The following UNC13B variants were observed in gnomAD, a reference collection of about 807,000 sequenced individuals.
The protein encoded by UNC13B is unc-13 homolog B, also known as protein unc-13 homolog B.
In UNC13B, 144 loss-of-function variants were observed where a neutral mutation model predicts 211.0. That is an observed-to-expected ratio of 0.68 (90% CI 0.60 to 0.78). The LOEUF is 0.78. Among genes scored for constraint, UNC13B ranks in the 30% least tolerant of loss-of-function variants. The pLI, the probability that UNC13B is intolerant of heterozygous loss-of-function variation, is 0.00. For synonymous variants in UNC13B, 709 were observed against 725.8 expected (o/e 0.98, Z 0.37); for missense variants, 1,777 against 2,002.0 (o/e 0.89, Z 2.14).
intron 3 of UNC13B, among the ~76,000 whole-genome samples, chr9:35,232,037 G>C (rs1310595499): frequency 6.6e-6 from 1 of 151,782 alleles, no homozygotes; most frequent in Non-Finnish European, 1.5e-5. Flanking sequence ...ATGAGAAAAC[G>C]TACTGAAATT....
intron 5 of UNC13B, among the ~76,000 whole-genome samples, chr9:35,241,170 T>G (rs1029269154): frequency 6.6e-6 from 1 of 152,100 alleles, no homozygotes; most frequent in African/African-American, 2.4e-5. Context: ...CTCATTTCAG[T>G]CCTTTGAGGC....
At chr9:35,250,674 A>T (rs1009131731) in intron 6 of UNC13B, among the ~76,000 whole-genome samples, 5 of 152,136 alleles carry the variant, frequency 3.3e-5, no homozygotes, top group African/African-American at 1.2e-4. Flanking sequence ...CTTGCGTATG[A>T]CTTGGGAGTG....
intron 6 of UNC13B, among the ~76,000 whole-genome samples, chr9:35,252,757 C>T (rs1223945952): frequency 1.3e-5 from 2 of 151,914 alleles, no homozygotes; most frequent in African/African-American, 2.4e-5. Context: ...AGTGAAACCC[C>T]GTCTCTACTA....
intron 7 of UNC13B, among the ~76,000 whole-genome samples, chr9:35,261,557 A>C (rs962451811): frequency 1.3e-5 from 2 of 152,240 alleles, no homozygotes; most frequent in Non-Finnish European, 2.9e-5. Context: ...ATATGTAATA[A>C]TCACATCAAG....
intron 5 of UNC13B, among the ~76,000 whole-genome samples, chr9:35,238,676 C>G (rs893105213): frequency 1.3e-5 from 2 of 152,010 alleles, no homozygotes; most frequent in Non-Finnish European, 2.9e-5. Context: ...ATGTCTCAGC[C>G]TCCTGAGTCA....
In UNC13B at chr9:35,303,623, C is replaced by A. The variant is rs961122862; in HGVS notation, c.4219C>A (p.Gln1407Lys). 2.5e-6 allele frequency: 1 copy of A among 398,702 alleles called. No individual in the cohort carries two copies. The highest frequency in any genetic ancestry group is 1.3e-4 in the South Asian group (1 of 7,834). The allele number at this position is 398,702 out of a possible 1,614,324, so 24.7% of individuals were successfully genotyped here. The change falls in exon 9 of 40, where the codon CAA becomes AAA. Residue 1407 changes from glutamine (Q) to lysine (K), a missense_variant. Gln to Lys is a moderately conservative substitution (Grantham distance 53). Coordinates refer to ENST00000635942, the MANE Select transcript of UNC13B (RefSeq NM_001371189.2). The stretch of plus-strand genomic sequence containing the variant: ...AGTGATAAATTTTTGCCAAAAAGAT[C>A]AAAATGCAAACATCTTGGAGTGGAG... ...NSVINFCQKDQNANILEWRTN... is the reference protein window; with the variant it reads ...NSVINFCQKDKNANILEWRTN...
chr9:35,281,051 C>T (rs1307423485), intron 7 of UNC13B, among the ~76,000 whole-genome samples: 4 of 152,028 alleles, frequency 2.6e-5, no homozygotes, highest in Non-Finnish European at 5.9e-5. Context: ...AGATCGAGAC[C>T]ATCCTGACCA....
chr9:35,283,611 CAA>C (rs1347403171), intron 7 of UNC13B, among the ~76,000 whole-genome samples: 1 of 151,768 alleles, frequency 6.6e-6, no homozygotes, highest in African/African-American at 2.4e-5. Context: ...GAGAGCAAAA[CAA>C]AGATCCTGGG....
At chr9:35,293,089 G>T (rs1829174122) in intron 7 of UNC13B, among the ~76,000 whole-genome samples, 1 of 152,044 alleles carries the variant, frequency 6.6e-6, no homozygotes, top group African/African-American at 2.4e-5. Flanking sequence ...ACTTTTTTCT[G>T]TTTCTCTCCT....
chr9:35,328,637 TTC>T (rs1831165324), intron 11 of UNC13B, among the ~76,000 whole-genome samples: 1 of 122,934 alleles, frequency 8.1e-6, no homozygotes. Context: ...CCTTCCTTCC[TTC>T]CTTCCTTCCT....
In UNC13B at chr9:35,376,112, G is replaced by A; in HGVS notation, c.9700G>A (p.Ala3234Thr). Residue 3234 changes from alanine (A) to threonine (T), a missense_variant, in exon 15 of 40, where the codon GCC (alanine) becomes ACC (threonine). Transcript: ENST00000635942. The part of the protein sequence containing the change: ...TTPHNFEVWT[A>T]TTPTYCYECE... ...TCCTCATAACTTTGAGGTCTGGACG[G>A]CCACTACCCCAACCTACTGCTATGA... The A allele has an allele frequency of 6.2e-7, 1 of 1,614,248 alleles. No homozygotes were observed. The highest frequency in any genetic ancestry group is 8.5e-7 in the Non-Finnish European group (1 of 1,180,048).
At chr9:35,215,332 G>A (rs1824195377) in intron 1 of UNC13B, among the ~76,000 whole-genome samples, 1 of 152,200 alleles carries the variant, frequency 6.6e-6, no homozygotes, top group African/African-American at 2.4e-5. Context: ...GAGCCCAGGA[G>A]GTCAAGGCGG....
rs187197943 is a variant in UNC13B at position 35,402,194 on chromosome 9, G to A, written c.12485-973G>A. Among the ~76,000 whole-genome samples, 354 of 152,064 alleles carry A rather than the reference G, an allele frequency of 2.3e-3. 2 individuals carry two copies. Among genetic ancestry groups the A allele is most frequent in the Middle Eastern group, 0.017 (5 of 294 alleles). On this transcript the variant is annotated intron_variant, in intron 37 of 39. Coordinates refer to ENST00000635942, the MANE Select transcript of UNC13B (RefSeq NM_001371189.2). ...AGGGGTTCTGTTGTTGATCTCTGTC[G>A]TATTCTCAGCATTCTCCCACCCCTC...
intron 11 of UNC13B, among the ~76,000 whole-genome samples, chr9:35,332,702 C>T (rs927953399): frequency 2.6e-4 from 40 of 152,182 alleles, no homozygotes; most frequent in African/African-American, 8.9e-4. Context: ...GAGCTCGAGT[C>T]ATGGCTACCA....
chr9:35,362,853 A>G (rs932777816), intron 11 of UNC13B, among the ~76,000 whole-genome samples: 3 of 152,126 alleles, frequency 2.0e-5, no homozygotes, highest in Non-Finnish European at 2.9e-5. Context: ...TCATCTGTAC[A>G]ATGGTGGGAC....
chr9:35,210,560 G>A (rs1243640094), intron 1 of UNC13B, among the ~76,000 whole-genome samples: 2 of 150,790 alleles, frequency 1.3e-5, no homozygotes, highest in Non-Finnish European at 2.9e-5. Context: ...GTCTCACTTA[G>A]TCACCCAGGC....
rs182392767 is a variant in UNC13B, at chr9:35,171,754, G to A, written c.22+9449G>A. ...TGTTTGTCAGATTCTTCCACTTGAT[G>A]TGTGTGGCAGTTAGTTCATTGATTT... On this transcript the variant is annotated intron_variant, in intron 1 of 39. Coordinates refer to ENST00000635942, the MANE Select transcript of UNC13B (RefSeq NM_001371189.2). 3.9e-4 allele frequency among the ~76,000 whole-genome samples: 60 copies of A among 152,302 alleles called. 1 individual carries two copies. The highest frequency in any genetic ancestry group is 3.3e-3 in the Admixed American group (50 of 15,290).
chr9:35,360,769 A>C (rs956479391), intron 11 of UNC13B: 1 of 152,212 alleles, frequency 6.6e-6, no homozygotes, highest in African/African-American at 2.4e-5. Context: ...CTCCCACCCC[A>C]GTCTCAAGTA....
At position 35,352,513 on chromosome 9, in the gene UNC13B, T is replaced by C. The variant is rs934896944; in HGVS notation, c.9415-14434T>C. ...TTTTTCAACAACAACATCAGGATTA[T>C]AGTCAGACTTCTTTAAACCAGGATG... On this transcript the variant is annotated intron_variant, in intron 11 of 39. Coordinates refer to ENST00000635942, the MANE Select transcript of UNC13B (RefSeq NM_001371189.2). 6.5e-6 allele frequency: 8 copies of C among 1,231,982 alleles called. No individual in the cohort carries two copies. In the African/African-American group the frequency reaches 1.2e-4, roughly 19 times the overall value. The allele number at this position is 1,231,982 out of a possible 1,614,324, so 76.3% of individuals were successfully genotyped here.
Sources: gnomAD v4.1 joint callset for allele counts (sites outside exome capture counted in the v4.1 genomes callset) on GRCh38, gnomAD v4.1.1 for gene constraint, MANE v1.5 for transcripts, NCBI Gene and HGNC (gene_info 2026-07-23, HGNC 2026-07-21) for gene names.